HSPG2: variants seen among roughly 807,000 people sequenced by gnomAD.
HSPG2 encodes heparan sulfate proteoglycan 2.
In HSPG2, 278 loss-of-function variants were observed where a neutral mutation model predicts 526.6. The ratio of observed to expected loss-of-function variants is 0.53; its 90% CI spans 0.48 to 0.58. The LOEUF (loss-of-function observed/expected upper bound fraction) is 0.58, where lower values mean the gene tolerates loss of function less well. HSPG2 is among the 20% of genes least tolerant of loss of function. HSPG2 has a pLI of 0.00. For missense variants in HSPG2, 5,354 were observed against 6,099.5 expected (o/e 0.88, Z 4.07); for synonymous variants, 2,465 against 2,555.4 (o/e 0.96, Z 1.07).
chr1:21,877,397 G>A (rs1641161535), intron 21 of HSPG2: 1 of 152,556 alleles, frequency 6.6e-6, no homozygotes, highest in Non-Finnish European at 1.5e-5. Flanking sequence ...CTTGCACAAA[G>A]TTACTCAGCT....
At chr1:21,907,968 T>C (rs1643467081) in intron 1 of HSPG2, 2 of 555,340 alleles carry the variant, frequency 3.6e-6, no homozygotes, top group East Asian at 3.4e-5. Flanking sequence ...TAATAATATC[T>C]ATCTCATACG....
At position 21,872,123 on chromosome 1, in the gene HSPG2, G is replaced by A; in HGVS notation, c.4221+63C>T. 6.5e-7 allele frequency: 1 copy of A among 1,527,546 alleles called. No homozygotes were observed. Among genetic ancestry groups the A allele is most frequent in the Non-Finnish European group, 8.9e-7 (1 of 1,126,068 alleles). The allele number at this position is 1,527,546 out of a possible 1,614,324, so 94.6% of individuals were successfully genotyped here. A position where few individuals can be genotyped will look rare whatever the true frequency, so the allele number is the denominator to read the frequency against. ...GGTGGCAGGTGCCTGCCTGCTGAGA[G>A]ACGGCGCAGAGGTGAACTCATGTCT... On this transcript the variant is annotated intron_variant, in intron 33 of 96. Coordinates refer to ENST00000374695, the MANE Select transcript of HSPG2 (RefSeq NM_005529.7). The surrounding 1 kb of genome is among the most constrained non-coding windows in gnomAD (Gnocchi z 5.5).
chr1:21,896,130 C>T (rs1273144445), intron 2 of HSPG2, 45 bp downstream of exon 2: 4 of 1,613,132 alleles, frequency 2.5e-6, no homozygotes, highest in Non-Finnish European at 3.4e-6. Flanking sequence ...GAAGCACAGT[C>T]TCACCCCCCA....
In HSPG2 at chr1:21,908,372, G is replaced by A. The variant is rs112261187; in HGVS notation, c.64-12062C>T. The A allele has an allele frequency of 2.0e-4, 218 of 1,070,656 alleles. 1 individual carries two copies. In the African/African-American group the frequency reaches 3.0e-3, roughly 15 times the overall value. The allele number at this position is 1,070,656 out of a possible 1,614,324, so 66.3% of individuals were successfully genotyped here. A position where few individuals can be genotyped will look rare whatever the true frequency, so the allele number is the denominator to read the frequency against. ...ATTCTTGCCAAGAGAATTAATGTGC[G>A]TATTGAGCACATTAAGCACTCTGAG... On this transcript the variant is annotated intron_variant, in intron 1 of 96. Coordinates refer to ENST00000374695, the MANE Select transcript of HSPG2 (RefSeq NM_005529.7).
chr1:21,908,404 G>A lies in HSPG2; in HGVS notation c.64-12094C>T, dbSNP rs1643494084. On this transcript the variant is annotated intron_variant, in intron 1 of 96. Transcript: ENST00000374695. The stretch of plus-strand genomic sequence containing the variant: ...GCACATTAAGCACTCTGAGAGCCGA[G>A]ATAGCTTCCTGAAACGCGTGAAGGA... 9 of 1,002,214 alleles carry A rather than the reference G, an allele frequency of 9.0e-6. No homozygotes were observed. In the South Asian group the frequency reaches 1.0e-4, roughly 11 times the overall value. The allele number at this position is 1,002,214 out of a possible 1,614,324, so 62.1% of individuals were successfully genotyped here.
intron 91 of HSPG2, among the ~76,000 whole-genome samples, chr1:21,826,718 A>G (rs2097976562): frequency 6.6e-6 from 1 of 152,052 alleles, no homozygotes. Flanking sequence ...CATGTTGGTC[A>G]GGCTGGTCTC....
chr1:21,835,267 G>C, intron 76 of HSPG2: 1 of 597,038 alleles, frequency 1.7e-6, no homozygotes, highest in Non-Finnish European at 3.0e-6. Flanking sequence ...GGGACTACAG[G>C]TGCGTTCCAC....
chr1:21,871,996 GT>G (rs1005065504), intron 33 of HSPG2, among the ~76,000 whole-genome samples, 189 bp downstream of exon 33: 1 of 152,252 alleles, frequency 6.6e-6, no homozygotes, highest in African/African-American at 2.4e-5. Flanking sequence ...TGAAGTTGAG[GT>G]TTATCAAATG....
In HSPG2 at chr1:21,896,198, A is replaced by G. The variant is rs907399740; in HGVS notation, c.176T>C (p.Met59Thr). The change falls in exon 2 of 97, where the codon ATG becomes ACG. Residue 59 changes from methionine to threonine, a missense_variant. Physicochemically the swap from Met to Thr is moderately conservative, Grantham distance 81. Coordinates refer to ENST00000374695, the MANE Select transcript of HSPG2 (RefSeq NM_005529.7). Reference sequence around the variant, plus strand: ...ACCTCCTGAGATGCTGTCAGCCAGCATGTCCTCATCATCAGAAAGGTACGA... The same window carrying G: ...ACCTCCTGAGATGCTGTCAGCCAGCGTGTCCTCATCATCAGAAAGGTACGA... ...THSYLSDDED[M>T]LADSISGDDL... The G allele has an allele frequency of 1.2e-6, 2 of 1,613,416 alleles. No homozygotes were observed. Among genetic ancestry groups the G allele is most frequent in the African/African-American group, 1.3e-5 (1 of 74,614 alleles).
Position 21,839,612 on chromosome 1 carries a change from G to A in HSPG2, c.9710-62C>T, listed in dbSNP as rs563017390. The A allele has an allele frequency of 5.1e-5, 80 of 1,583,746 alleles. No individual in the cohort carries two copies. Among genetic ancestry groups the A allele is most frequent in the Non-Finnish European group, 6.4e-5 (74 of 1,159,726 alleles). ...GCTACCTCAGGGACCCGCAGAGGGT[G>A]GCCATGGTGAGGAAGGGCCCTGGGT... On this transcript the variant is annotated intron_variant, in intron 72 of 96. Coordinates refer to ENST00000374695, the MANE Select transcript of HSPG2 (RefSeq NM_005529.7). The surrounding 1 kb of genome is among the most constrained non-coding windows in gnomAD (Gnocchi z 4.5).
Position 21,855,427 on chromosome 1 carries a change from G to T in HSPG2, c.5874C>A (p.Val1958=). Residue 1958 remains valine (V), a synonymous_variant, in exon 47 of 97, where the codon GTC becomes GTA. Coordinates refer to ENST00000374695, the MANE Select transcript of HSPG2 (RefSeq NM_005529.7). The part of the protein sequence containing the change: ...LHVHGGGGPR[V]QVSPERTQVH... ...CCTGGGTCCTCTCTGGGCTCACTTG[G>T]ACTCTGGGCCCACCGCCCCCTGCAG... The T allele has an allele frequency of 6.2e-7, 1 of 1,613,214 alleles. No homozygotes were observed.
Position 21,835,579 on chromosome 1 carries a change from A to G in HSPG2, c.10414T>C (p.Trp3472Arg). 1 of 1,614,184 alleles carries G rather than the reference A, an allele frequency of 6.2e-7. No individual in the cohort carries two copies. The highest frequency in any genetic ancestry group is 1.1e-5 in the South Asian group (1 of 91,090). The change falls in exon 76 of 97, where the codon TGG (tryptophan) becomes CGG (arginine). Residue 3472 changes from tryptophan (W) to arginine (R), a missense_variant. Physicochemically the swap from Trp to Arg is moderately radical, Grantham distance 101. Coordinates refer to ENST00000374695, the MANE Select transcript of HSPG2 (RefSeq NM_005529.7). ...TGGGCACTGGCCTGGGCCTTCCCCC[A>G]AGGTCCATGGGCCTGGCATATATAC... ...GTYICQAHGP[W>R]GKAQASAQLV...
chr1:21,905,766 T>A (rs1443871261), intron 1 of HSPG2, among the ~76,000 whole-genome samples: 77 of 152,254 alleles, frequency 5.1e-4, no homozygotes, highest in Admixed American at 5.0e-3. Flanking sequence ...TTGAATTAAT[T>A]AATGAAGGCT....
At chr1:21,861,158 T>C (rs1639757196) in intron 39 of HSPG2, among the ~76,000 whole-genome samples, 1 of 152,220 alleles carries the variant, frequency 6.6e-6, no homozygotes, top group Non-Finnish European at 1.5e-5. Context: ...CCGTAAGGGC[T>C]GGGGTGGAAT....
rs2229486 is a variant in HSPG2, at chr1:21,833,281, G to C, written c.11082C>G (p.Pro3694=). 4 of 1,613,824 alleles carry C rather than the reference G, an allele frequency of 2.5e-6. No homozygotes were observed. Among genetic ancestry groups the C allele is most frequent in the Non-Finnish European group, 3.4e-6 (4 of 1,179,780 alleles). Residue 3694 remains proline, a synonymous_variant, in exon 80 of 97, where the codon CCC becomes CCG. Transcript: ENST00000374695. ...CCTCCTGCTCACCATCGGCTGAGTCGGGCCGGAAGGTGATCTTGATCTCGA... is the reference window on the plus strand; with the variant it reads ...CCTCCTGCTCACCATCGGCTGAGTCCGGCCGGAAGGTGATCTTGATCTCGA... The part of the protein sequence containing the change: ...RKFEIKITFR[P]DSADGMLLYN...
In HSPG2 at chr1:21,872,461, C is replaced by T. The variant is rs1463840418; in HGVS notation, c.4030-84G>A. The stretch of plus-strand genomic sequence containing the variant: ...TGGGGCACGGGAGGGTGTTAAGGTG[C>T]GGAATGGGGTCCTGTTGAGATCAGG... On this transcript the variant is annotated intron_variant, in intron 32 of 96. Coordinates refer to ENST00000374695, the MANE Select transcript of HSPG2 (RefSeq NM_005529.7). The surrounding 1 kb of genome is among the most constrained non-coding windows in gnomAD (Gnocchi z 5.5). The T allele has an allele frequency of 3.1e-5, 44 of 1,418,416 alleles. No homozygotes were observed. The South Asian group carries it at 4.0e-4, about 13-fold the overall frequency. The allele number at this position is 1,418,416 out of a possible 1,614,324, so 87.9% of individuals were successfully genotyped here.
rs767554718 is a variant in HSPG2 at position 21,857,076 on chromosome 1, G to A, written c.5514C>T (p.Tyr1838=). 66 of 1,614,004 alleles carry A rather than the reference G, an allele frequency of 4.1e-5. No individual in the cohort carries two copies. The highest frequency in any genetic ancestry group is 5.5e-5 in the Non-Finnish European group (65 of 1,180,038). The change falls in exon 44 of 97, where the codon TAC becomes TAT. Residue 1838 remains tyrosine, a synonymous_variant. Transcript: ENST00000374695. ...CAAACATGTTGGAGCCGGTGCACAC[G>A]TAGGTGCCTGCATCACTCAGCTGGA... The part of the protein sequence containing the change: ...RNVQLSDAGT[Y]VCTGSNMFAM...
rs1424190994 is a variant in HSPG2 at position 21,872,245 on chromosome 1, C to T, written c.4162G>A (p.Ala1388Thr). ...TAGAAGGACTCATGGCCGAGTTGGG[C>T]AAAGTTGCCAAAAGAGAGCTGGGCA... is the stretch of plus-strand genomic sequence containing the variant. ...EGAQLSFGNF[A>T]QLGHESFYWQ... is the part of the protein sequence containing the mutation. The change falls in exon 33 of 97, where the codon GCC becomes ACC. Residue 1388 changes from alanine to threonine, a missense_variant. Coordinates refer to ENST00000374695, the MANE Select transcript of HSPG2 (RefSeq NM_005529.7). This position sits in a 1 kb window ranked among gnomAD's most constrained non-coding sequence, Gnocchi z 5.5. 2 of 1,553,156 alleles carry T rather than the reference C, an allele frequency of 1.3e-6. No homozygotes were observed. The highest frequency in any genetic ancestry group is 2.4e-5 in the East Asian group (1 of 41,046).
intron 44 of HSPG2, 59 bp from the exon 45 acceptor site, chr1:21,855,971 AAC>A: frequency 6.3e-7 from 1 of 1,592,706 alleles, no homozygotes; most frequent in East Asian, 2.2e-5. Context: ...TGACTCACAC[AAC>A]AGTCCTGCTG....
Sources: allele counts gnomAD v4.1 joint callset (sites outside exome capture counted in the v4.1 genomes callset), GRCh38; gene constraint gnomAD v4.1.1; non-coding constraint Gnocchi (gnomAD v3.1); transcripts MANE v1.5; gene names NCBI Gene and HGNC (gene_info 2026-07-23, HGNC 2026-07-21).